Variants in C9orf153 observed in about 807,000 individuals in gnomAD.
C9orf153 encodes the protein uncharacterized protein C9orf153.
In C9orf153, 10 loss-of-function variants were observed where a neutral mutation model predicts 9.0. The ratio of observed to expected loss-of-function variants is 1.11; its 90% CI spans 0.69 to 1.89. C9orf153 has a LOEUF of 1.89. Ranked by LOEUF, C9orf153 falls within the 40% of genes most tolerant of loss-of-function variation. The pLI, the probability that C9orf153 is intolerant of heterozygous loss-of-function variation, is 0.00. For synonymous variants in C9orf153, 35 were observed against 37.3 expected, an observed-to-expected ratio of 0.94 and a Z score of 0.23; for missense variants, 108 against 111.0, an observed-to-expected ratio of 0.97 and a Z score of 0.12.
At chr9:86,238,219 C>T (rs1266790984) in intron 1 of C9orf153, among the ~76,000 whole-genome samples, 1 of 152,166 alleles carries the variant, frequency 6.6e-6, no homozygotes, top group Non-Finnish European at 1.5e-5. Context: ...CGAAAATGGA[C>T]AGATCCAGCA....
chr9:86,253,600 T>A (rs1283795704), intron 1 of C9orf153, among the ~76,000 whole-genome samples: 1 of 152,220 alleles, frequency 6.6e-6, no homozygotes, highest in African/African-American at 2.4e-5. Context: ...TACACTTTTT[T>A]GTTTATTAAA....
At chr9:86,226,498 T>A (rs1045662313) in intron 3 of C9orf153, among the ~76,000 whole-genome samples, 2 of 151,964 alleles carry the variant, frequency 1.3e-5, no homozygotes, top group Admixed American at 1.3e-4. Flanking sequence ...ATTTTTAAAA[T>A]TTTTTTGTAG....
At chr9:86,246,838 C>T (rs1458466824) in intron 1 of C9orf153, among the ~76,000 whole-genome samples, 1 of 152,202 alleles carries the variant, frequency 6.6e-6, no homozygotes, top group African/African-American at 2.4e-5. Flanking sequence ...CCTTGTTATT[C>T]TCTATAGTTT....
At chr9:86,227,457 G>A in intron 3 of C9orf153, 1 of 1,437,238 alleles carries the variant, frequency 7.0e-7, no homozygotes. Flanking sequence ...ATTGCTGTAG[G>A]TCAGTATTGG....
intron 1 of C9orf153, among the ~76,000 whole-genome samples, chr9:86,244,973 C>G (rs1824835034): frequency 6.6e-6 from 1 of 152,338 alleles, no homozygotes; most frequent in South Asian, 2.1e-4. Context: ...GTCGCCCAGG[C>G]TGGAGTGCAA....
intron 1 of C9orf153, among the ~76,000 whole-genome samples, chr9:86,247,295 C>G (rs1587808395): frequency 2.0e-5 from 3 of 152,176 alleles, no homozygotes; most frequent in Non-Finnish European, 4.4e-5. Context: ...TTTCACCAGG[C>G]TGCCAGGCTG....
At chr9:86,238,939 T>C (rs1243610032) in intron 1 of C9orf153, among the ~76,000 whole-genome samples, 1 of 148,608 alleles carries the variant, frequency 6.7e-6, no homozygotes, top group Non-Finnish European at 1.5e-5. Context: ...AGAAGGTATC[T>C]GTAATATAAT....
chr9:86,240,271 G>C (rs1824701064), intron 1 of C9orf153, among the ~76,000 whole-genome samples: 1 of 151,990 alleles, frequency 6.6e-6, no homozygotes, highest in South Asian at 2.1e-4. Context: ...GATGAAACCA[G>C]TAGTTTGACA....
At chr9:86,242,359 C>CT (rs33917348) in intron 1 of C9orf153, among the ~76,000 whole-genome samples, 24,249 of 149,916 alleles carry the variant, frequency 0.16, 2,255 homozygotes, top group East Asian at 0.46. Flanking sequence ...GGCTTACATT[C>CT]TTTTTTTTTT....
chr9:86,252,713 C>T (rs1825024087), intron 1 of C9orf153, among the ~76,000 whole-genome samples: 5 of 152,040 alleles, frequency 3.3e-5, no homozygotes, highest in Admixed American at 3.3e-4. Context: ...GTATTTGTCC[C>T]CAAATTGTAT....
At chr9:86,244,642 C>T (rs1315591511) in intron 1 of C9orf153, among the ~76,000 whole-genome samples, 1 of 152,136 alleles carries the variant, frequency 6.6e-6, no homozygotes, top group Non-Finnish European at 1.5e-5. Flanking sequence ...GGAGTGTGTT[C>T]TTTCTTGGCG....
At chr9:86,236,930 G>A (rs1451074977) in intron 1 of C9orf153, among the ~76,000 whole-genome samples, 8 of 142,070 alleles carry the variant, frequency 5.6e-5, no homozygotes, top group East Asian at 2.0e-4. Flanking sequence ...GGGAGACCCC[G>A]TCTCTAAATA....
chr9:86,249,121 T>C (rs1824935803), intron 1 of C9orf153, among the ~76,000 whole-genome samples: 1 of 152,236 alleles, frequency 6.6e-6, no homozygotes, highest in African/African-American at 2.4e-5. Flanking sequence ...TACAAATTCA[T>C]TAGCCTCATT....
At chr9:86,245,949 T>C (rs1824856165) in intron 1 of C9orf153, among the ~76,000 whole-genome samples, 1 of 152,224 alleles carries the variant, frequency 6.6e-6, no homozygotes, top group Non-Finnish European at 1.5e-5. Flanking sequence ...CTGGGTCAGT[T>C]TGTCAGTTTC....
At chr9:86,252,680 T>C (rs561180686) in intron 1 of C9orf153, among the ~76,000 whole-genome samples, 3 of 152,326 alleles carry the variant, frequency 2.0e-5, no homozygotes, top group African/African-American at 7.2e-5. Context: ...TTTAGTTATA[T>C]TTGTATAAAT....
chr9:86,243,928 A>G (rs1374144269), intron 1 of C9orf153, among the ~76,000 whole-genome samples: 1 of 152,206 alleles, frequency 6.6e-6, no homozygotes, highest in Non-Finnish European at 1.5e-5. Context: ...AGTTGGACAT[A>G]GCTGTTCATA....
chr9:86,229,137 A>G (rs1824405091), intron 2 of C9orf153, among the ~76,000 whole-genome samples: 1 of 152,012 alleles, frequency 6.6e-6, no homozygotes. Flanking sequence ...GTTAGCACTG[A>G]TAGTCTTTTT....
Position 86,229,260 on chromosome 9 carries a change from GA to G in C9orf153, c.66+277del, listed in dbSNP as rs112787729. Among the ~76,000 whole-genome samples the G allele has an allele frequency of 5.9e-4, 83 of 139,598 alleles. No individual in the cohort carries two copies. In the East Asian group the frequency reaches 6.3e-3, roughly 11 times the overall value. The allele number at this position is 139,598 out of a possible 152,430, so 91.6% of individuals were successfully genotyped here. A position where few individuals can be genotyped will look rare whatever the true frequency, so the allele number is the denominator to read the frequency against. On this transcript the variant is annotated intron_variant, in intron 2 of 3. Transcript: ENST00000339137. ...TCTGGTTAATACATCTTTTCCTAAA[GA>G]AAAAAAAAAAAAAGAAAGTGTGCTA... is the stretch of plus-strand genomic sequence containing the variant.
intron 2 of C9orf153, among the ~76,000 whole-genome samples, chr9:86,229,146 T>A (rs1440320421): frequency 1.3e-5 from 2 of 152,200 alleles, no homozygotes; most frequent in Non-Finnish European, 2.9e-5. Flanking sequence ...GATAGTCTTT[T>A]TTTCCAGTGT....
Sources: gnomAD v4.1 joint callset for allele counts (sites outside exome capture counted in the v4.1 genomes callset) on GRCh38, gnomAD v4.1.1 for gene constraint, MANE v1.5 for transcripts, NCBI Gene and HGNC (gene_info 2026-07-23, HGNC 2026-07-21) for gene names.